The following MTF2 variants were observed in gnomAD, a reference collection of about 807,000 sequenced individuals.
MTF2 encodes metal response element binding transcription factor 2.
MTF2 carries 11 observed loss-of-function variants against 79.5 expected under a neutral mutation model. The observed-to-expected ratio is 0.14, with a 90% confidence interval of 0.09 to 0.23. The LOEUF is 0.23. Ranked by LOEUF, MTF2 falls within the 10% of genes least tolerant of loss-of-function variation. The pLI, the probability that MTF2 is intolerant of heterozygous loss-of-function variation, is 1.00. For synonymous variants in MTF2, 208 were observed against 232.8 expected (o/e 0.89, Z 0.97); for missense variants, 486 against 711.2 (o/e 0.68, Z 3.60).
At position 93,133,161 on chromosome 1, in the gene MTF2, C is replaced by T. The variant is rs1647214041; in HGVS notation, c.1161-542C>T. Reference sequence around the variant, plus strand: ...CTCCTTTCTCCTTTACATTCTGCCACTCTGGGCTTCATTCTCTTTCTGATA... The same window carrying T: ...CTCCTTTCTCCTTTACATTCTGCCATTCTGGGCTTCATTCTCTTTCTGATA... On this transcript the variant is annotated intron_variant, in intron 11 of 14. Coordinates refer to ENST00000370298, the MANE Select transcript of MTF2 (RefSeq NM_007358.4). Among the ~76,000 whole-genome samples the T allele has an allele frequency of 2.0e-5, 3 of 152,160 alleles. No homozygotes were observed. In the South Asian group the frequency reaches 6.2e-4, roughly 32 times the overall value.
At chr1:93,094,632 C>G (rs914078126) in intron 1 of MTF2, among the ~76,000 whole-genome samples, 3 of 151,786 alleles carry the variant, frequency 2.0e-5, no homozygotes, top group African/African-American at 7.3e-5. Flanking sequence ...GCATATTTCT[C>G]TGCATTTACT....
At chr1:93,130,211 T>C (rs1656862643) in intron 11 of MTF2, among the ~76,000 whole-genome samples, 1 of 152,156 alleles carries the variant, frequency 6.6e-6, no homozygotes, top group African/African-American at 2.4e-5. Flanking sequence ...GTGTAGGGTC[T>C]TGTAGGTCTT....
At chr1:93,114,463 GC>G (rs747846054) in intron 3 of MTF2, among the ~76,000 whole-genome samples, 27 of 152,190 alleles carry the variant, frequency 1.8e-4, no homozygotes, top group Admixed American at 1.0e-3. Flanking sequence ...TTTAAATTAT[GC>G]CTTCTGCCAA....
chr1:93,133,803 C>G lies in MTF2; in HGVS notation c.1261C>G (p.Leu421Val). 6.2e-7 allele frequency: 1 copy of G among 1,601,886 alleles called. No individual in the cohort carries two copies. Among genetic ancestry groups the G allele is most frequent in the Non-Finnish European group, 8.5e-7 (1 of 1,170,528 alleles). The change falls in exon 12 of 15, where the codon CTT (leucine) becomes GTT (valine). Residue 421 changes from leucine to valine, a missense_variant. By Grantham distance (32) the Leu-to-Val change is conservative (BLOSUM62 1). Transcript: ENST00000370298. The part of the protein sequence containing the change: ...RKMIQKTAEP[L>V]LDKESISENP... ...AATGATTCAAAAAACTGCTGAGCCACTTTTGGTAAGAGGATATGTTGGTAT... is the reference window on the plus strand; with the variant it reads ...AATGATTCAAAAAACTGCTGAGCCAGTTTTGGTAAGAGGATATGTTGGTAT...
chr1:93,123,400 A>G (rs1656568294), intron 9 of MTF2, among the ~76,000 whole-genome samples: 1 of 151,816 alleles, frequency 6.6e-6, no homozygotes, highest in African/African-American at 2.4e-5. Context: ...TATAGACTAA[A>G]GCGCCTGCTC....
intron 14 of MTF2, 114 bp downstream of exon 14, chr1:93,134,309 T>A: frequency 1.3e-6 from 1 of 756,260 alleles, no homozygotes. Context: ...GTTGTGTCTA[T>A]CAGCTTTTTG....
chr1:93,129,556 TG>T (rs148493892), intron 11 of MTF2, 108 bp downstream of exon 11: 2 of 787,488 alleles, frequency 2.5e-6, no homozygotes, highest in Non-Finnish European at 3.5e-6. Context: ...GCAGTTACTC[TG>T]ATTTTTTTTT....
chr1:93,127,577 A>T (rs979342615), intron 10 of MTF2, among the ~76,000 whole-genome samples: 2 of 152,166 alleles, frequency 1.3e-5, no homozygotes, highest in African/African-American at 2.4e-5. Context: ...TTCAGTAATA[A>T]CTTCCTTCTA....
chr1:93,088,454 T>G (rs1654936833), intron 1 of MTF2, among the ~76,000 whole-genome samples: 1 of 152,244 alleles, frequency 6.6e-6, no homozygotes, highest in African/African-American at 2.4e-5. Context: ...ATTTTACCAG[T>G]TGTCATATTG....
At chr1:93,080,292 C>A (rs1039923443) in intron 1 of MTF2, among the ~76,000 whole-genome samples, 1 of 152,026 alleles carries the variant, frequency 6.6e-6, no homozygotes, top group Admixed American at 6.5e-5. Flanking sequence ...GGAATTTTAA[C>A]CAATTTGCCA....
chr1:93,115,439 A>C, intron 5 of MTF2, 31 bp from the exon 6 acceptor site: 1 of 1,484,828 alleles, frequency 6.7e-7, no homozygotes, highest in East Asian at 2.4e-5. Context: ...TTTAGCCTTC[A>C]CTCTTTCACA....
rs11372021 is a variant in MTF2, at chr1:93,105,143, CAA to C, written c.6-5070_6-5069del. Among the ~76,000 whole-genome samples the C allele has an allele frequency of 3.1e-3, 343 of 110,480 alleles. 2 individuals are homozygous for C. Among genetic ancestry groups the C allele is most frequent in the Admixed American group, 7.0e-3 (69 of 9,842 alleles). 72.5% of individuals were successfully genotyped at this position (110,480 alleles called of 152,430 possible). A position where few individuals can be genotyped will look rare whatever the true frequency, so the allele number is the denominator to read the frequency against. The stretch of plus-strand genomic sequence containing the variant: ...TGGGTGACAGAGCGAGACTCCGTCT[CAA>C]AAAAAAAAAAAAAAAAGAGACAGAC... On this transcript the variant is annotated intron_variant, in intron 1 of 14. Transcript: ENST00000370298.
chr1:93,084,388 A>G (rs1223330703), intron 1 of MTF2, among the ~76,000 whole-genome samples: 1 of 152,120 alleles, frequency 6.6e-6, no homozygotes, highest in Non-Finnish European at 1.5e-5. Context: ...TTTAATTACC[A>G]TTACTTCATA....
chr1:93,084,667 A>G (rs369242425), intron 1 of MTF2, among the ~76,000 whole-genome samples: 18 of 152,210 alleles, frequency 1.2e-4, no homozygotes, highest in Middle Eastern at 3.4e-3. Context: ...TTTCTCTGAT[A>G]TTATGTAGTT....
chr1:93,087,276 A>C (rs568737664), intron 1 of MTF2, among the ~76,000 whole-genome samples: 137 of 152,276 alleles, frequency 9.0e-4, no homozygotes, highest in African/African-American at 2.9e-3. Flanking sequence ...TTAGACTTAT[A>C]AAAAAGGCCT....
chr1:93,079,445 C>T lies in MTF2; in HGVS notation c.-82C>T. 6.3e-7 allele frequency: 1 copy of T among 1,586,166 alleles called. No individual in the cohort carries two copies. The highest frequency in any genetic ancestry group is 1.3e-5 in the African/African-American group (1 of 74,450). On this transcript the variant is annotated 5_prime_UTR_variant, in exon 1 of 15. Coordinates refer to ENST00000370298, the MANE Select transcript of MTF2 (RefSeq NM_007358.4). ...GTGGGGCGGGTGCCCAGTAAGTGCT[C>T]GGACTCGCAGGGGAAGCGCCCACGG...
At chr1:93,083,432 TA>T (rs1364262335) in intron 1 of MTF2, among the ~76,000 whole-genome samples, 1 of 152,256 alleles carries the variant, frequency 6.6e-6, no homozygotes, top group Non-Finnish European at 1.5e-5. Context: ...TATTTCATTA[TA>T]TGAATATACC....
At chr1:93,132,666 C>T (rs1459328841) in intron 11 of MTF2, among the ~76,000 whole-genome samples, 1 of 152,138 alleles carries the variant, frequency 6.6e-6, no homozygotes, top group Non-Finnish European at 1.5e-5. Flanking sequence ...CTACTTTCTC[C>T]TTCCTCATAC....
intron 1 of MTF2, among the ~76,000 whole-genome samples, chr1:93,103,836 C>T (rs6703169): frequency 0.79 from 120,606 of 152,162 alleles, 50,864 homozygotes; most frequent in East Asian, 0.93. Context: ...ATCCTACTTA[C>T]GTTTGAGTTG....
Sources: gnomAD v4.1 joint callset for allele counts (sites outside exome capture counted in the v4.1 genomes callset) on GRCh38, gnomAD v4.1.1 for gene constraint, MANE v1.5 for transcripts, NCBI Gene and HGNC (gene_info 2026-07-23, HGNC 2026-07-21) for gene names.